The following ATP13A4 variants were observed in gnomAD, a reference collection of about 807,000 sequenced individuals.
The protein encoded by ATP13A4 is ATPase 13A4.
In ATP13A4, 114 loss-of-function variants were observed where a neutral mutation model predicts 142.5. The ratio of observed to expected loss-of-function variants is 0.80; its 90% CI spans 0.69 to 0.93. The LOEUF (loss-of-function observed/expected upper bound fraction) is 0.93. ATP13A4 is among the 40% of genes least tolerant of loss of function. The pLI is 0.00. For synonymous variants in ATP13A4, 488 were observed against 514.8 expected (o/e 0.95, Z 0.70); for missense variants, 1,392 against 1,454.0 (o/e 0.96, Z 0.69).
At chr3:193,484,286 G>T (rs368224025) in intron 7 of ATP13A4, among the ~76,000 whole-genome samples, 1 of 149,966 alleles carries the variant, frequency 6.7e-6, no homozygotes, top group Non-Finnish European at 1.5e-5. Context: ...CTCCAGCCTG[G>T]GCGACAGAAC....
chr3:193,402,384 C>G lies in ATP13A4; in HGVS notation c.*268G>C. The G allele has an allele frequency of 2.2e-6, 1 of 450,322 alleles. No individual in the cohort carries two copies. The highest frequency in any genetic ancestry group is 2.3e-5 in the South Asian group (1 of 44,284). The allele number at this position is 450,322 out of a possible 1,614,324, so 27.9% of individuals were successfully genotyped here. ...TATTTTTCCCCTTTAGCCTGCTTGTCTCTTGGCCCATAGAAATTCTTGGCC... is the reference window on the plus strand; with the variant it reads ...TATTTTTCCCCTTTAGCCTGCTTGTGTCTTGGCCCATAGAAATTCTTGGCC... On this transcript the variant is annotated 3_prime_UTR_variant, in exon 30 of 30. Coordinates refer to ENST00000342695, the MANE Select transcript of ATP13A4 (RefSeq NM_032279.4).
chr3:193,517,637 C>G (rs936975909), intron 1 of ATP13A4, among the ~76,000 whole-genome samples: 2 of 152,050 alleles, frequency 1.3e-5, no homozygotes, highest in African/African-American at 4.8e-5. Flanking sequence ...CCCGCCACCA[C>G]GCCCGGCTAA....
intron 6 of ATP13A4, 57 bp downstream of exon 6, chr3:193,491,272 A>G: frequency 1.5e-6 from 2 of 1,322,610 alleles, no homozygotes; most frequent in Non-Finnish European, 1.1e-6. Flanking sequence ...TTATTTCACT[A>G]GAGCCAAACT....
chr3:193,591,198 C>G (rs762735697), intron 1 of ATP13A4, among the ~76,000 whole-genome samples: 14 of 152,096 alleles, frequency 9.2e-5, no homozygotes, highest in Non-Finnish European at 1.6e-4. Flanking sequence ...GAGTAGCTGG[C>G]TAATTTTTTT....
intron 1 of ATP13A4, among the ~76,000 whole-genome samples, chr3:193,535,116 C>G (rs1305945682): frequency 6.6e-6 from 1 of 152,104 alleles, no homozygotes; most frequent in African/African-American, 2.4e-5. Flanking sequence ...CTCAATAATT[C>G]ATAGAACAAC....
intron 2 of ATP13A4, among the ~76,000 whole-genome samples, chr3:193,568,876 A>G (rs1278539494): frequency 6.6e-6 from 1 of 152,264 alleles, no homozygotes; most frequent in African/African-American, 2.4e-5. Flanking sequence ...CCCAAAGTAT[A>G]AAATAAATAT....
chr3:193,455,015 A>G (rs995413141), intron 16 of ATP13A4, among the ~76,000 whole-genome samples: 2 of 151,548 alleles, frequency 1.3e-5, no homozygotes, highest in African/African-American at 4.9e-5. Flanking sequence ...GAACATTTAC[A>G]AAAAGAAAAA....
chr3:193,470,805 C>T (rs765923811), intron 9 of ATP13A4, 54 bp downstream of exon 9: 7 of 1,612,456 alleles, frequency 4.3e-6, no homozygotes, highest in Admixed American at 1.7e-5. Context: ...ACCATAGCAG[C>T]GTGGAGTGTG....
intron 20 of ATP13A4, 63 bp downstream of exon 20, chr3:193,441,403 C>T (rs1716630986): frequency 6.3e-7 from 1 of 1,590,246 alleles, no homozygotes; most frequent in Non-Finnish European, 8.6e-7. Flanking sequence ...AATTTAGGAC[C>T]ATGTTCTGTA....
intron 13 of ATP13A4, among the ~76,000 whole-genome samples, chr3:193,460,954 A>G (rs1717912491): frequency 6.6e-6 from 1 of 152,246 alleles, no homozygotes; most frequent in Admixed American, 6.5e-5. Context: ...GGTATTGAAT[A>G]GTCTATAAGT....
At chr3:193,403,909 G>A in intron 29 of ATP13A4, 1 of 985,274 alleles carries the variant, frequency 1.0e-6, no homozygotes, top group Non-Finnish European at 1.2e-6. Flanking sequence ...ATTCTATAAG[G>A]AACTTTGCCA....
In ATP13A4 at chr3:193,554,359, G is replaced by A. The variant is rs76754560; in HGVS notation, c.60+381C>T. The A allele has an allele frequency of 9.5e-3, 2,940 of 309,604 alleles. 25 individuals are homozygous for A. Among genetic ancestry groups the A allele is most frequent in the Non-Finnish European group, 0.015 (2,344 of 160,940 alleles). 19.2% of individuals were successfully genotyped at this position (309,604 alleles called of 1,614,324 possible). A position where few individuals can be genotyped will look rare whatever the true frequency, so the allele number is the denominator to read the frequency against. ...GCTGAACTTCTGCTTCTTCCTATCA[G>A]GGAATACACTGCTCCTCACATTAGG... On this transcript the variant is annotated intron_variant, in intron 1 of 29. Coordinates refer to ENST00000342695, the MANE Select transcript of ATP13A4 (RefSeq NM_032279.4).
intron 2 of ATP13A4, among the ~76,000 whole-genome samples, chr3:193,570,940 G>A (rs1286974067): frequency 6.6e-6 from 1 of 152,136 alleles, no homozygotes; most frequent in East Asian, 1.9e-4. Context: ...TATTATTAAA[G>A]GGGTGTAAAA....
In ATP13A4 at chr3:193,453,879, G is replaced by C. The variant is rs911044078; in HGVS notation, c.2027+222C>G. ...TGACTATTTCTCATAAAATCCCCCAGTGAGTGTTCACACTATCTTTGGGAT... is the reference window on the plus strand; with the variant it reads ...TGACTATTTCTCATAAAATCCCCCACTGAGTGTTCACACTATCTTTGGGAT... On this transcript the variant is annotated intron_variant, in intron 17 of 29. Coordinates refer to ENST00000342695, the MANE Select transcript of ATP13A4 (RefSeq NM_032279.4). Among the ~76,000 whole-genome samples the C allele has an allele frequency of 2.1e-4, 32 of 152,214 alleles. 1 individual carries two copies. Among genetic ancestry groups the C allele is most frequent in the African/African-American group, 7.2e-4 (30 of 41,526 alleles).
At chr3:193,527,752 T>C (rs1179028983) in intron 1 of ATP13A4, among the ~76,000 whole-genome samples, 2 of 152,156 alleles carry the variant, frequency 1.3e-5, no homozygotes, top group East Asian at 3.9e-4. Context: ...TGTGAGTCAA[T>C]TAAACCTCTT....
intron 28 of ATP13A4, among the ~76,000 whole-genome samples, chr3:193,407,745 T>TTTGC (rs2108600667): frequency 6.6e-6 from 1 of 152,300 alleles, no homozygotes; most frequent in East Asian, 1.9e-4. Flanking sequence ...TCACTCTTTG[T>TTTGC]TTGCTTGCTT....
intron 9 of ATP13A4, among the ~76,000 whole-genome samples, chr3:193,469,985 T>G (rs1375056651): frequency 6.6e-6 from 1 of 151,210 alleles, no homozygotes; most frequent in Non-Finnish European, 1.5e-5. Flanking sequence ...ACATCTATTC[T>G]TTGTAAGCTA....
chr3:193,551,916 G>A (rs998988165), intron 1 of ATP13A4, among the ~76,000 whole-genome samples: 1 of 152,102 alleles, frequency 6.6e-6, no homozygotes, highest in Non-Finnish European at 1.5e-5. Context: ...AGGTCACCTA[G>A]GGTTGCTCTT....
At chr3:193,454,827 C>CA (rs1717492557) in intron 16 of ATP13A4, among the ~76,000 whole-genome samples, 1 of 152,086 alleles carries the variant, frequency 6.6e-6, no homozygotes, top group Non-Finnish European at 1.5e-5. Context: ...ACAAAGATGC[C>CA]AAAAACAATT....
Sources: gnomAD v4.1 joint callset for allele counts (sites outside exome capture counted in the v4.1 genomes callset) on GRCh38, gnomAD v4.1.1 for gene constraint, MANE v1.5 for transcripts, NCBI Gene and HGNC (gene_info 2026-07-23, HGNC 2026-07-21) for gene names.